TMPRSS15: variants seen among roughly 807,000 people sequenced by gnomAD.
The protein encoded by TMPRSS15 is transmembrane serine protease 15, also known as enteropeptidase.
A neutral mutation model predicts 125.3 loss-of-function variants in TMPRSS15; 128 were observed. That is an observed-to-expected ratio of 1.02 (90% confidence interval 0.89 to 1.18). TMPRSS15 has a LOEUF of 1.18. TMPRSS15 is among the 50% of genes most tolerant of loss of function. The pLI, the probability that TMPRSS15 is intolerant of heterozygous loss-of-function variation, is 0.00. For synonymous variants in TMPRSS15, 446 were observed against 423.2 expected (o/e 1.05, Z -0.66); for missense variants, 1,283 against 1,212.7 (o/e 1.06, Z -0.86).
intron 7 of TMPRSS15, among the ~76,000 whole-genome samples, chr21:18,364,320 A>C (rs1031523953): frequency 5.3e-5 from 8 of 152,170 alleles, no homozygotes; most frequent in African/African-American, 1.9e-4. Context: ...AATTCTATGG[A>C]GCACTTATTC....
Position 18,294,360 on chromosome 21 carries a change from AC to A in TMPRSS15, c.2395del (p.Val799LeufsTer34), listed in dbSNP as rs780890490. On this transcript the variant is annotated frameshift_variant, in exon 21 of 25. Coordinates refer to ENST00000284885, the MANE Select transcript of TMPRSS15 (RefSeq NM_002772.3). LOFTEE classifies it high-confidence loss of function. ...TCGGCCGCCATAATACAGACCCACAACCCAGGGCCAGGCCCCTTCTTTGGCA... is the reference window on the plus strand; with the variant it reads ...TCGGCCGCCATAATACAGACCCACAACCAGGGCCAGGCCCCTTCTTTGGCA... Reference protein sequence around the residue: ...SNAKEGAWPWVVGLYYGGRLL... With the variant: ...SNAKEGAWPWXVGLYYGGRLL... The A allele has an allele frequency of 6.2e-7, 1 of 1,614,232 alleles. No individual in the cohort carries two copies. Among genetic ancestry groups the A allele is most frequent in the South Asian group, 1.1e-5 (1 of 91,086 alleles).
chr21:18,365,302 G>T, intron 6 of TMPRSS15, 54 bp from the exon 7 acceptor site: 1 of 1,390,436 alleles, frequency 7.2e-7, no homozygotes, highest in Non-Finnish European at 1.0e-6. Context: ...GATTCAAATT[G>T]GCTGCAAAAC....
Position 18,269,817 on chromosome 21 carries a change from G to T in TMPRSS15, c.*152C>A. 2.4e-6 allele frequency: 2 copies of T among 823,784 alleles called. No homozygotes were observed. The highest frequency in any genetic ancestry group is 3.8e-6 in the Non-Finnish European group (2 of 530,502). The allele number at this position is 823,784 out of a possible 1,614,324, so 51.0% of individuals were successfully genotyped here. ...TGAATTTTATTATTTTTAAAATTTT[G>T]TTTCCCTGGCCCCCTAGCATTTCAT... On this transcript the variant is annotated 3_prime_UTR_variant, in exon 25 of 25. Transcript: ENST00000284885.
In TMPRSS15 at chr21:18,312,926, A is replaced by G. The variant is rs1465933499; in HGVS notation, c.2165+19T>C. On this transcript the variant is annotated intron_variant, in intron 18 of 24. Transcript: ENST00000284885. The stretch of plus-strand genomic sequence containing the variant: ...AGGTTTGCAAATCTCTTAAAAAGGA[A>G]CTCAGTAGAATTACTTACCCTAGTC... 6.2e-7 allele frequency: 1 copy of G among 1,612,938 alleles called. No homozygotes were observed. Among genetic ancestry groups the G allele is most frequent in the Non-Finnish European group, 8.5e-7 (1 of 1,179,164 alleles).
At chr21:18,451,305 A>G (rs1249363931) in intron 1 of TMPRSS15, among the ~76,000 whole-genome samples, 1 of 152,134 alleles carries the variant, frequency 6.6e-6, no homozygotes, top group Non-Finnish European at 1.5e-5. Context: ...CAGTTCACCA[A>G]AAAATAAAAA....
At chr21:18,296,527 C>T (rs946440093) in intron 19 of TMPRSS15, among the ~76,000 whole-genome samples, 11 of 151,964 alleles carry the variant, frequency 7.2e-5, no homozygotes, top group South Asian at 2.1e-4. Context: ...ATAATAGTGA[C>T]GTCAATGGAA....
At chr21:18,437,465 A>C (rs10470207) in intron 1 of TMPRSS15, among the ~76,000 whole-genome samples, 9,744 of 152,252 alleles carry the variant, frequency 0.064, 602 homozygotes, top group African/African-American at 0.15. Flanking sequence ...AAAAGCCAAA[A>C]TTGACAAATG....
intron 18 of TMPRSS15, among the ~76,000 whole-genome samples, chr21:18,304,015 G>A (rs1477287635): frequency 1.3e-5 from 2 of 152,120 alleles, no homozygotes; most frequent in Non-Finnish European, 1.5e-5. Flanking sequence ...AGTAATACCC[G>A]TCTGTGGGTG....
chr21:18,476,923 A>G (rs889511769), intron 1 of TMPRSS15, among the ~76,000 whole-genome samples: 6 of 151,758 alleles, frequency 4.0e-5, no homozygotes, highest in Admixed American at 6.6e-5. Context: ...TTTTATTCCA[A>G]TAAGGCTGTG....
intron 1 of TMPRSS15, among the ~76,000 whole-genome samples, chr21:18,483,648 A>G (rs991480004): frequency 6.6e-6 from 1 of 151,938 alleles, no homozygotes; most frequent in Non-Finnish European, 1.5e-5. Context: ...TAATAAGAAT[A>G]CTAGAAATAT....
intron 18 of TMPRSS15, among the ~76,000 whole-genome samples, chr21:18,303,497 C>A (rs933126871): frequency 6.6e-6 from 1 of 152,048 alleles, no homozygotes; most frequent in Non-Finnish European, 1.5e-5. Context: ...ACAAGTTGAG[C>A]AGTTGGAAGC....
intron 1 of TMPRSS15, among the ~76,000 whole-genome samples, chr21:18,403,219 A>G (rs2076113134): frequency 6.6e-6 from 1 of 152,218 alleles, no homozygotes; most frequent in Admixed American, 6.5e-5. Flanking sequence ...AAAACTACTC[A>G]GTCTCATGCT....
chr21:18,465,300 T>C (rs2122955376), intron 1 of TMPRSS15, among the ~76,000 whole-genome samples: 7 of 152,146 alleles, frequency 4.6e-5, no homozygotes, highest in African/African-American at 1.2e-4. Context: ...CCACAGCCAA[T>C]ATCATACAGA....
intron 19 of TMPRSS15, among the ~76,000 whole-genome samples, chr21:18,296,266 C>T (rs1004336048): frequency 2.6e-5 from 4 of 152,146 alleles, no homozygotes; most frequent in African/African-American, 7.2e-5. Flanking sequence ...CAACCACTAG[C>T]GCAAGGGCAT....
At chr21:18,371,607 C>T (rs979439292) in intron 6 of TMPRSS15, among the ~76,000 whole-genome samples, 1 of 152,018 alleles carries the variant, frequency 6.6e-6, no homozygotes, top group Non-Finnish European at 1.5e-5. Context: ...CCAAAATATA[C>T]AAATGAAACA....
chr21:18,441,880 A>T (rs1223412996), intron 1 of TMPRSS15, among the ~76,000 whole-genome samples: 1 of 151,876 alleles, frequency 6.6e-6, no homozygotes, highest in African/African-American at 2.4e-5. Flanking sequence ...TAGTAGAGAC[A>T]GGCTTTCACC....
chr21:18,383,904 G>T lies in TMPRSS15; in HGVS notation c.345-126C>A, dbSNP rs2123059708. On this transcript the variant is annotated intron_variant, in intron 3 of 24. Coordinates refer to ENST00000284885, the MANE Select transcript of TMPRSS15 (RefSeq NM_002772.3). ...TCTTGCTAATTCTCATTATACCTGT[G>T]TAAGGTAGTCACTTCAAATCTTATC... 8 of 1,103,734 alleles carry T rather than the reference G, an allele frequency of 7.2e-6. No individual in the cohort carries two copies. In the South Asian group the frequency reaches 1.1e-4, roughly 15 times the overall value. 68.4% of individuals were successfully genotyped at this position (1,103,734 alleles called of 1,614,324 possible). A position where few individuals can be genotyped will look rare whatever the true frequency, so the allele number is the denominator to read the frequency against.
At chr21:18,285,017 A>G (rs73320164) in intron 21 of TMPRSS15, among the ~76,000 whole-genome samples, 15,168 of 151,938 alleles carry the variant, frequency 0.1, 893 homozygotes, top group African/African-American at 0.16. Context: ...AAAAAAGAGA[A>G]AAAAAAGAAG....
rs775618795 is a variant in TMPRSS15 at position 18,403,609 on chromosome 21, C to T, written c.14G>A (p.Arg5Lys). The change falls in exon 1 of 25, where the codon AGA becomes AAA. Residue 5 changes from arginine to lysine, a missense_variant. Arg to Lys is a conservative substitution (Grantham distance 26). Coordinates refer to ENST00000284885, the MANE Select transcript of TMPRSS15 (RefSeq NM_002772.3). The part of the protein sequence containing the change: MGSK[R>K]GISSRHHSLS... ...AGAATGATGCCTAGAAGATATGCCTCTTTTCGACCCCATTTTTGGTTTTGA... is the reference window on the plus strand; with the variant it reads ...AGAATGATGCCTAGAAGATATGCCTTTTTTCGACCCCATTTTTGGTTTTGA... 2 of 1,614,106 alleles carry T rather than the reference C, an allele frequency of 1.2e-6. No individual in the cohort carries two copies. Among genetic ancestry groups the T allele is most frequent in the Non-Finnish European group, 1.7e-6 (2 of 1,179,984 alleles).
Sources: allele counts gnomAD v4.1 joint callset (sites outside exome capture counted in the v4.1 genomes callset), GRCh38; gene constraint gnomAD v4.1.1; transcripts MANE v1.5; gene names NCBI Gene and HGNC (gene_info 2026-07-23, HGNC 2026-07-21).